Variants in FHOD3 observed in about 807,000 individuals in gnomAD.
FHOD3 encodes the protein formin homology 2 domain containing 3, also known as FH1/FH2 domain-containing protein 3.
In FHOD3, 90 loss-of-function variants were observed where a neutral mutation model predicts 173.0. The observed-to-expected ratio is 0.52, with a 90% CI of 0.44 to 0.62. The LOEUF is 0.62. Among genes scored for constraint, FHOD3 ranks in the 20% least tolerant of loss-of-function variants. The probability of loss-of-function intolerance (pLI) is 0.00; values close to 1 mark genes in which losing one functional copy is unlikely to be tolerated. For missense variants in FHOD3, 1,945 were observed against 2,034.7 expected (o/e 0.96, Z 0.85); for synonymous variants, 828 against 823.0 (o/e 1.01, Z -0.10).
intron 3 of FHOD3, among the ~76,000 whole-genome samples, chr18:36,450,269 AG>A (rs1392235685): frequency 6.6e-6 from 1 of 152,176 alleles, no homozygotes; most frequent in Admixed American, 6.5e-5. Context: ...ACGAGCAGCC[AG>A]TAATAAGGAG....
At chr18:36,694,651 T>C (rs1049563330) in intron 17 of FHOD3, among the ~76,000 whole-genome samples, 2 of 152,148 alleles carry the variant, frequency 1.3e-5, no homozygotes, top group African/African-American at 4.8e-5. Flanking sequence ...TCCTGCAGAG[T>C]TGTGGTTCAG....
At chr18:36,721,654 C>CA (rs1466397407) in intron 19 of FHOD3, among the ~76,000 whole-genome samples, 2 of 151,780 alleles carry the variant, frequency 1.3e-5, no homozygotes, top group African/African-American at 2.4e-5. Context: ...CTCAAAAAAG[C>CA]AAAAAAACAA....
At chr18:36,329,279 A>G (rs1347425165) in intron 1 of FHOD3, among the ~76,000 whole-genome samples, 1 of 152,108 alleles carries the variant, frequency 6.6e-6, no homozygotes, top group Non-Finnish European at 1.5e-5. Context: ...GTCTCGTGTG[A>G]TTTGTACCAG....
At chr18:36,581,423 C>G (rs763196860) in intron 6 of FHOD3, among the ~76,000 whole-genome samples, 2 of 152,202 alleles carry the variant, frequency 1.3e-5, no homozygotes, top group Non-Finnish European at 2.9e-5. Context: ...CTCTCACCTC[C>G]TTGCTGCCTC....
chr18:36,381,138 G>A (rs1237341571), intron 3 of FHOD3, among the ~76,000 whole-genome samples: 2 of 152,248 alleles, frequency 1.3e-5, no homozygotes, highest in Admixed American at 6.5e-5. Flanking sequence ...TCTGGGAAGT[G>A]CTGCCAAAAC....
At position 36,718,252 on chromosome 18, in the gene FHOD3, C is replaced by T; in HGVS notation, c.2954C>T (p.Ala985Val). ...ESDYIWDQLM[A>V]NPRELRIQDM... Reference sequence around the variant, plus strand: ...GATTACATCTGGGACCAGCTCATGGCCAATCCAAGAGAGCTCAGAATCCAA... The same window carrying T: ...GATTACATCTGGGACCAGCTCATGGTCAATCCAAGAGAGCTCAGAATCCAA... The change falls in exon 19 of 29, where the codon GCC (alanine) becomes GTC (valine). Residue 985 changes from alanine to valine, a missense_variant. By Grantham distance (64) the Ala-to-Val change is moderately conservative. Around this residue, in one of 5 missense-constraint regions of FHOD3, gnomAD observed 1,099 missense variants for 1,051.2 expected, o/e 1.05. Transcript: ENST00000590592. The T allele has an allele frequency of 6.2e-7, 1 of 1,614,116 alleles. No individual in the cohort carries two copies. Among genetic ancestry groups the T allele is most frequent in the Non-Finnish European group, 8.5e-7 (1 of 1,180,026 alleles).
intron 7 of FHOD3, among the ~76,000 whole-genome samples, chr18:36,599,247 C>G (rs1405490813): frequency 6.6e-6 from 1 of 152,208 alleles, no homozygotes; most frequent in African/African-American, 2.4e-5. Flanking sequence ...GAGGATAACT[C>G]ATGTTGAAAT....
chr18:36,409,101 G>A (rs1297823566), intron 3 of FHOD3, among the ~76,000 whole-genome samples: 3 of 152,054 alleles, frequency 2.0e-5, no homozygotes, highest in Admixed American at 6.5e-5. Context: ...CTTGCGGCCC[G>A]GCAAATTCCT....
At chr18:36,504,249 T>C (rs2146110818) in intron 4 of FHOD3, among the ~76,000 whole-genome samples, 1 of 152,224 alleles carries the variant, frequency 6.6e-6, no homozygotes, top group African/African-American at 2.4e-5. Context: ...CCCAGAATGT[T>C]TTGCTACCCC....
At chr18:36,411,243 G>A (rs2049338543) in intron 3 of FHOD3, among the ~76,000 whole-genome samples, 1 of 152,118 alleles carries the variant, frequency 6.6e-6, no homozygotes, top group South Asian at 2.1e-4. Context: ...AGCACCATTT[G>A]TTGAAAAGAC....
rs976782545 is a variant in FHOD3, at chr18:36,458,639, A to C, written c.338-43293A>C. Among the ~76,000 whole-genome samples, 4 of 135,402 alleles carry C rather than the reference A, an allele frequency of 3.0e-5. No individual in the cohort carries two copies. The South Asian group carries it at 9.8e-4, about 33-fold the overall frequency. The allele number at this position is 135,402 out of a possible 152,430, so 88.8% of individuals were successfully genotyped here. A position where few individuals can be genotyped will look rare whatever the true frequency, so the allele number is the denominator to read the frequency against. The stretch of plus-strand genomic sequence containing the variant: ...GCTCATGTGTTTTAACAGTACATTC[A>C]TGGTTTTCTGGTTTGTTTTTTGTTA... On this transcript the variant is annotated intron_variant, in intron 3 of 28. Transcript: ENST00000590592.
chr18:36,427,875 T>C (rs1411289124), intron 3 of FHOD3, among the ~76,000 whole-genome samples: 1 of 152,260 alleles, frequency 6.6e-6, no homozygotes, highest in Admixed American at 6.5e-5. Context: ...GATGTATTTT[T>C]TATTCATAAT....
At chr18:36,475,018 CACACACACACACACA>C in intron 3 of FHOD3, among the ~76,000 whole-genome samples, 1 of 138,374 alleles carries the variant, frequency 7.2e-6, no homozygotes. Context: ...CACACACACA[CACACACACACACACA>C]CTCTGCAAAA....
chr18:36,751,493 A>G (rs921501845), intron 24 of FHOD3, among the ~76,000 whole-genome samples: 9 of 152,200 alleles, frequency 5.9e-5, no homozygotes, highest in African/African-American at 2.2e-4. Context: ...CCCTGACCAG[A>G]ACTTCCAACA....
At chr18:36,730,566 A>C in intron 19 of FHOD3, 80 bp from the exon 20 acceptor site, 4 of 1,390,406 alleles carry the variant, frequency 2.9e-6, no homozygotes, top group Non-Finnish European at 4.0e-6. Flanking sequence ...CTAAATAAGT[A>C]GTGAGTGCTT....
rs116677755 is a variant in FHOD3 at position 36,446,801 on chromosome 18, C to G, written c.338-55131C>G. Among the ~76,000 whole-genome samples, 1,238 of 152,236 alleles carry G rather than the reference C, an allele frequency of 8.1e-3. 14 individuals are homozygous for G. The highest frequency in any genetic ancestry group is 0.029 in the African/African-American group (1,186 of 41,514). Reference sequence around the variant, plus strand: ...TAATAGTTGTTAAATGTACGCATCTCTCTCCAGTAGAATGAGTTATTGAAA... The same window carrying G: ...TAATAGTTGTTAAATGTACGCATCTGTCTCCAGTAGAATGAGTTATTGAAA... On this transcript the variant is annotated intron_variant, in intron 3 of 28. Transcript: ENST00000590592.
intron 5 of FHOD3, among the ~76,000 whole-genome samples, chr18:36,554,060 A>G (rs1259661011): frequency 2.2e-4 from 34 of 152,210 alleles, no homozygotes; most frequent in Admixed American, 2.2e-3. Context: ...TAGTTCAACC[A>G]TTGTGGAAGT....
chr18:36,528,520 A>G (rs1158606758), intron 5 of FHOD3, among the ~76,000 whole-genome samples: 1 of 152,092 alleles, frequency 6.6e-6, no homozygotes, highest in Non-Finnish European at 1.5e-5. Flanking sequence ...CAATTTCATG[A>G]TGTCCTTGTC....
chr18:36,580,084 T>C (rs1484294600), intron 6 of FHOD3, among the ~76,000 whole-genome samples: 1 of 152,232 alleles, frequency 6.6e-6, no homozygotes, highest in African/African-American at 2.4e-5. Flanking sequence ...CAGGAAAATC[T>C]TTATTGCATT....
Sources: gnomAD v4.1 joint callset for allele counts (sites outside exome capture counted in the v4.1 genomes callset) on GRCh38, gnomAD v4.1.1 for gene constraint, gnomAD v4.1.1 regional missense constraint, MANE v1.5 for transcripts, NCBI Gene and HGNC (gene_info 2026-07-23, HGNC 2026-07-21) for gene names.